FTCD: variants seen among roughly 807,000 people sequenced by gnomAD.
FTCD encodes the protein formimidoyltransferase cyclodeaminase, also known as formimidoyltransferase-cyclodeaminase.
A neutral mutation model predicts 62.9 loss-of-function variants in FTCD; 76 were observed. That is an observed-to-expected ratio of 1.21 (90% CI 1.00 to 1.46). The LOEUF (loss-of-function observed/expected upper bound fraction) is 1.46, where lower values mean the gene tolerates loss of function less well. Among genes scored for constraint, FTCD ranks in the 40% most tolerant of loss-of-function variants. The pLI is 0.00. For missense variants in FTCD, 845 were observed against 751.3 expected (o/e 1.12, Z -1.46); for synonymous variants, 397 against 336.9 (o/e 1.18, Z -1.95).
chr21:46,138,308 G>A (rs1019948206), intron 12 of FTCD, among the ~76,000 whole-genome samples, 200 bp downstream of exon 12: 1 of 152,224 alleles, frequency 6.6e-6, no homozygotes, highest in Non-Finnish European at 1.5e-5. Flanking sequence ...TCCGTCTGTG[G>A]TGCCGCCGTG....
At chr21:46,148,391 G>A (rs1009315071) in intron 7 of FTCD, among the ~76,000 whole-genome samples, 2 of 152,198 alleles carry the variant, frequency 1.3e-5, no homozygotes, top group Non-Finnish European at 1.5e-5. Context: ...TTAGGAGGCT[G>A]ACGTGAGTGG....
In FTCD at chr21:46,151,652, A is replaced by C. The variant is rs1376361066; in HGVS notation, c.542T>G (p.Phe181Cys). ...WGATATGARK[F>C]LIAFNINLLG... ...CAGGTTGATGTTAAAAGCAATGAGG[A>C]ACTTCCTCGCCCCCGTGGCCGTGGC... The change falls in exon 5 of 14, where the codon TTC becomes TGC. Residue 181 changes from phenylalanine to cysteine, a missense_variant. Transcript: ENST00000397746. The C allele has an allele frequency of 1.2e-6, 2 of 1,613,036 alleles. No individual in the cohort carries two copies. The highest frequency in any genetic ancestry group is 1.1e-5 in the South Asian group (1 of 91,086).
chr21:46,154,407 A>C, intron 1 of FTCD, 75 bp from the exon 2 acceptor site: 22 of 1,495,602 alleles, frequency 1.5e-5, no homozygotes, highest in South Asian at 4.8e-5. Context: ...AGGTGGCTGC[A>C]CCCCGAGACA....
At chr21:46,143,967 C>T (rs1019953872) in intron 10 of FTCD, among the ~76,000 whole-genome samples, 4 of 152,102 alleles carry the variant, frequency 2.6e-5, no homozygotes, top group East Asian at 1.9e-4. Context: ...CACCTGGCTC[C>T]GCCCTCTAGA....
chr21:46,136,982 C>A lies in FTCD; in HGVS notation c.*5G>T, dbSNP rs200614141. On this transcript the variant is annotated 3_prime_UTR_variant, in exon 14 of 14. Coordinates refer to ENST00000397746, the MANE Select transcript of FTCD (RefSeq NM_206965.2). ...CCACAGAGCCCGGAGAGGCCTCCCG[C>A]ACCGTCACTCCTGCCGGGTCTCCAA... The A allele has an allele frequency of 3.5e-5, 57 of 1,613,112 alleles. No individual in the cohort carries two copies. The African/African-American group carries it at 6.8e-4, about 19-fold the overall frequency.
chr21:46,136,666 A>AT (rs994812419), downstream of FTCD: 13 of 1,468,384 alleles, frequency 8.9e-6, no homozygotes, highest in African/African-American at 1.6e-4. Context: ...CTGCAACCCC[A>AT]TTCCCTCCAA....
chr21:46,138,575 GCCA>G lies in FTCD; in HGVS notation c.1373_1375del (p.Val458del), dbSNP rs1456176865. Reference sequence around the variant, plus strand: ...TTCCTGCAGGGCCGGCCACAGCGAGGCCACCGTCTCCGCCAGCGTCAGCGGCAC... The same window carrying G: ...TTCCTGCAGGGCCGGCCACAGCGAGGCCGTCTCCGCCAGCGTCAGCGGCAC... On this transcript the variant is annotated inframe_deletion, in exon 12 of 14. Transcript: ENST00000397746. 2.3e-5 allele frequency: 36 copies of G among 1,588,188 alleles called. No individual in the cohort carries two copies. The highest frequency in any genetic ancestry group is 1.8e-4 in the Middle Eastern group (1 of 5,520).
rs770968651 is a variant in FTCD, at chr21:46,154,143, C to A, written c.238+6G>T. On this transcript the variant is annotated splice_donor_region_variant and intron_variant, in intron 2 of 13. Coordinates refer to ENST00000397746, the MANE Select transcript of FTCD (RefSeq NM_206965.2). ...CGGCAGCCACAGGAGAGCCCAGAGA[C>A]CTCACCTTGGTGCCTGCTCATGTCG... The A allele has an allele frequency of 6.2e-7, 1 of 1,612,482 alleles. No homozygotes were observed. The highest frequency in any genetic ancestry group is 2.2e-5 in the East Asian group (1 of 44,868).
At chr21:46,153,723 C>T (rs2079360187) in intron 2 of FTCD, among the ~76,000 whole-genome samples, 1 of 152,240 alleles carries the variant, frequency 6.6e-6, no homozygotes, top group Non-Finnish European at 1.5e-5. Context: ...TGTCCACACA[C>T]CTTTGGCCCT....
chr21:46,154,596 G>A lies in FTCD; in HGVS notation c.55-264C>T, dbSNP rs542767614. The stretch of plus-strand genomic sequence containing the variant: ...TGGTGCCTCCAGGAGAGACTCACGG[G>A]CTCTGCTCCGACAGACAGATGCCAG... On this transcript the variant is annotated intron_variant, in intron 1 of 13. Coordinates refer to ENST00000397746, the MANE Select transcript of FTCD (RefSeq NM_206965.2). 3.1e-3 allele frequency among the ~76,000 whole-genome samples: 473 copies of A among 152,360 alleles called. 2 individuals are homozygous for A. The highest frequency in any genetic ancestry group is 0.017 in the Middle Eastern group (5 of 294).
At chr21:46,142,264 G>GC (rs2079027823) in intron 10 of FTCD, 1 of 149,234 alleles carries the variant, frequency 6.7e-6, no homozygotes, top group Non-Finnish European at 1.5e-5. Context: ...TGAAGCCGGA[G>GC]ACCTTCTCAG....
In FTCD at chr21:46,150,382, G is replaced by C; in HGVS notation, c.774+6C>G. The C allele has an allele frequency of 6.2e-7, 1 of 1,612,762 alleles. No homozygotes were observed. Among genetic ancestry groups the C allele is most frequent in the Non-Finnish European group, 8.5e-7 (1 of 1,179,938 alleles). On this transcript the variant is annotated splice_donor_region_variant and intron_variant, in intron 6 of 13. Transcript: ENST00000397746. The stretch of plus-strand genomic sequence containing the variant: ...TCACAGCAGCAGCGGCTGCTCCCGG[G>C]CTCACCTGTGCTTCTCGGCAGGTCT...
At position 46,155,504 on chromosome 21, in the gene FTCD, C is replaced by T; in HGVS notation, c.20G>A (p.Cys7Tyr). Residue 7 changes from cysteine (C) to tyrosine (Y), a missense_variant, in exon 1 of 14, where the codon TGC becomes TAC. Transcript: ENST00000397746. ...CTTCCCCTCCGAAAAGTTGGGGACG[C>T]ATTCCACCAGCTGGGACATGGCCAG... MSQLVECVPNFSEGKNQ... is the reference protein window; with the variant it reads MSQLVEYVPNFSEGKNQ... The T allele has an allele frequency of 6.2e-7, 1 of 1,613,042 alleles. No homozygotes were observed. Among genetic ancestry groups the T allele is most frequent in the African/African-American group, 1.3e-5 (1 of 75,068 alleles).
intron 12 of FTCD, among the ~76,000 whole-genome samples, chr21:46,137,854 C>A (rs925520362): frequency 1.3e-5 from 2 of 151,570 alleles, no homozygotes; most frequent in Non-Finnish European, 2.9e-5. Context: ...TGGCCCCTGT[C>A]AGTGTGAGGC....
intron 7 of FTCD, among the ~76,000 whole-genome samples, chr21:46,149,858 C>T (rs940774933): frequency 1.3e-5 from 2 of 152,246 alleles, no homozygotes; most frequent in Admixed American, 6.5e-5. Flanking sequence ...GGAGCATGGC[C>T]GGCCCAGGAG....
At chr21:46,149,519 C>T (rs1330993135) in intron 7 of FTCD, among the ~76,000 whole-genome samples, 1 of 152,176 alleles carries the variant, frequency 6.6e-6, no homozygotes, top group African/African-American at 2.4e-5. Flanking sequence ...AAAAACACAC[C>T]TAAAACAAAG....
In FTCD at chr21:46,146,130, G is replaced by T. The variant is rs567202605; in HGVS notation, c.968+136C>A. Reference sequence around the variant, plus strand: ...CTCAGCCCCCAGACCCCGGCTTGGCGCAGGCCGAGTAGGCGCCCAAAGGGA... The same window carrying T: ...CTCAGCCCCCAGACCCCGGCTTGGCTCAGGCCGAGTAGGCGCCCAAAGGGA... On this transcript the variant is annotated intron_variant, in intron 8 of 13. Coordinates refer to ENST00000397746, the MANE Select transcript of FTCD (RefSeq NM_206965.2). 1.7e-3 allele frequency: 1,282 copies of T among 773,316 alleles called. 1 individual carries two copies. Among genetic ancestry groups the T allele is most frequent in the Non-Finnish European group, 2.5e-3 (1,132 of 460,312 alleles). 47.9% of individuals were successfully genotyped at this position (773,316 alleles called of 1,614,324 possible). A position where few individuals can be genotyped will look rare whatever the true frequency, so the allele number is the denominator to read the frequency against.
At chr21:46,142,464 C>T (rs77192864) in intron 10 of FTCD, 11 of 126,670 alleles carry the variant, frequency 8.7e-5, no homozygotes, top group African/African-American at 2.8e-4. Flanking sequence ...TCTTCCTCCC[C>T]GTGAGGCCGC....
chr21:46,150,898 C>T (rs966103057), intron 5 of FTCD, among the ~76,000 whole-genome samples: 15 of 152,260 alleles, frequency 9.9e-5, no homozygotes, highest in African/African-American at 3.6e-4. Flanking sequence ...CCCTCAGCCC[C>T]GCACTTGTCG....
Sources: gnomAD v4.1 joint callset for allele counts (sites outside exome capture counted in the v4.1 genomes callset) on GRCh38, gnomAD v4.1.1 for gene constraint, MANE v1.5 for transcripts, NCBI Gene and HGNC (gene_info 2026-07-23, HGNC 2026-07-21) for gene names.